Variants in PRKG1 observed in about 807,000 individuals in gnomAD.
PRKG1 encodes protein kinase cGMP-dependent 1.
A neutral mutation model predicts 88.1 loss-of-function variants in PRKG1; 35 were observed. The observed-to-expected ratio is 0.40, with a 90% confidence interval of 0.30 to 0.53. The LOEUF (loss-of-function observed/expected upper bound fraction) is 0.53, where lower values mean the gene tolerates loss of function less well. PRKG1 is among the 20% of genes least tolerant of loss of function. PRKG1 has a pLI of 0.59. For synonymous variants in PRKG1, 303 were observed against 292.5 expected, an observed-to-expected ratio of 1.04 and a Z score of -0.37; for missense variants, 540 against 839.8, an observed-to-expected ratio of 0.64 and a Z score of 4.41.
chr10:51,503,866 A>G (rs1841112098), intron 3 of PRKG1, among the ~76,000 whole-genome samples: 1 of 152,196 alleles, frequency 6.6e-6, no homozygotes, highest in Admixed American at 6.6e-5. Context: ...TAGTTAAACA[A>G]TAGAAAATCA....
chr10:51,820,828 TA>T (rs1839724788), intron 4 of PRKG1, among the ~76,000 whole-genome samples: 1 of 152,216 alleles, frequency 6.6e-6, no homozygotes, highest in Non-Finnish European at 1.5e-5. Context: ...GGGTACTTCC[TA>T]ATTTGGTTAT....
intron 5 of PRKG1, among the ~76,000 whole-genome samples, chr10:51,933,363 C>T (rs916542192): frequency 6.6e-6 from 1 of 151,950 alleles, no homozygotes; most frequent in South Asian, 2.1e-4. Flanking sequence ...AGCTTCATTC[C>T]CATCTATAAT....
At chr10:51,446,241 TTTCTTTTCTTTCC>T (rs1412929431) in intron 2 of PRKG1, among the ~76,000 whole-genome samples, 2 of 152,046 alleles carry the variant, frequency 1.3e-5, no homozygotes, top group African/African-American at 4.8e-5. Context: ...ACCCAAAGCT[TTTCTTTTCTTTCC>T]TTCTTTTCTT....
intron 4 of PRKG1, among the ~76,000 whole-genome samples, chr10:51,846,118 A>G (rs769951902): frequency 1.3e-5 from 2 of 152,146 alleles, no homozygotes; most frequent in Non-Finnish European, 2.9e-5. Context: ...GATGTTAAAG[A>G]TGTCTAGGAA....
At chr10:51,591,880 G>T (rs530699306) in intron 3 of PRKG1, among the ~76,000 whole-genome samples, 135 of 152,262 alleles carry the variant, frequency 8.9e-4, no homozygotes, top group African/African-American at 3.1e-3. Context: ...ATTGGGTCAG[G>T]TACATGCTTT....
At chr10:52,093,496 A>T (rs1308539989) in intron 7 of PRKG1, among the ~76,000 whole-genome samples, 1 of 149,024 alleles carries the variant, frequency 6.7e-6, no homozygotes, top group Non-Finnish European at 1.5e-5. Context: ...ACACCATGAA[A>T]GCAAGCCTCA....
intron 1 of PRKG1, among the ~76,000 whole-genome samples, chr10:51,037,926 T>C (rs1395900168): frequency 6.6e-6 from 1 of 152,228 alleles, no homozygotes; most frequent in Non-Finnish European, 1.5e-5. Context: ...TAACTTTATT[T>C]TAATTAGAAA....
intron 4 of PRKG1, among the ~76,000 whole-genome samples, chr10:51,833,889 A>G (rs1272864253): frequency 6.6e-6 from 1 of 152,124 alleles, no homozygotes; most frequent in Non-Finnish European, 1.5e-5. Flanking sequence ...GGTAAACACC[A>G]TTCTACTCTA....
chr10:51,228,368 TC>T (rs1838748283), intron 2 of PRKG1, among the ~76,000 whole-genome samples: 1 of 152,158 alleles, frequency 6.6e-6, no homozygotes, highest in Non-Finnish European at 1.5e-5. Context: ...AGTGGATTCT[TC>T]CTGAAATTTG....
intron 3 of PRKG1, among the ~76,000 whole-genome samples, chr10:51,773,624 G>A (rs933986773): frequency 2.0e-5 from 3 of 151,934 alleles, no homozygotes; most frequent in Non-Finnish European, 2.9e-5. Flanking sequence ...ATAAAATTTA[G>A]CCTCTTAAAC....
intron 3 of PRKG1, among the ~76,000 whole-genome samples, chr10:51,789,740 A>G (rs138842143): frequency 3.9e-5 from 6 of 152,266 alleles, no homozygotes; most frequent in African/African-American, 1.4e-4. Flanking sequence ...GAACAAGATG[A>G]TACATTTCTT....
At chr10:52,137,626 A>G (rs1837463581) in intron 8 of PRKG1, among the ~76,000 whole-genome samples, 1 of 152,124 alleles carries the variant, frequency 6.6e-6, no homozygotes, top group Non-Finnish European at 1.5e-5. Context: ...CTGTACTTTA[A>G]AATATATCTA....
chr10:51,764,803 C>A (rs1054472434), intron 3 of PRKG1, among the ~76,000 whole-genome samples: 1 of 152,094 alleles, frequency 6.6e-6, no homozygotes, highest in African/African-American at 2.4e-5. Flanking sequence ...TGAAGTGGAA[C>A]CTTTGGGGAG....
At chr10:52,022,708 T>C (rs1288909872) in intron 5 of PRKG1, among the ~76,000 whole-genome samples, 1 of 152,106 alleles carries the variant, frequency 6.6e-6, no homozygotes, top group Non-Finnish European at 1.5e-5. Context: ...AAAAGAATAA[T>C]AATCCAAAAT....
chr10:51,424,941 CTGAT>C (rs1838531958), intron 2 of PRKG1, among the ~76,000 whole-genome samples: 1 of 151,984 alleles, frequency 6.6e-6, no homozygotes, highest in Admixed American at 6.6e-5. Context: ...AATTATTTTC[CTGAT>C]TGATTCTTTA....
chr10:51,878,274 C>G (rs1010533438), intron 4 of PRKG1, among the ~76,000 whole-genome samples: 1 of 140,866 alleles, frequency 7.1e-6, no homozygotes, highest in African/African-American at 2.7e-5. Flanking sequence ...GTATCCAGCA[C>G]TGCTCACCAT....
intron 3 of PRKG1, among the ~76,000 whole-genome samples, chr10:51,708,257 C>T (rs1365216207): frequency 6.6e-6 from 1 of 152,152 alleles, no homozygotes; most frequent in Non-Finnish European, 1.5e-5. Context: ...GTGTCTCTTC[C>T]TTTTCCTGTA....
chr10:51,560,985 G>A (rs963493942), intron 3 of PRKG1, among the ~76,000 whole-genome samples: 1 of 151,968 alleles, frequency 6.6e-6, no homozygotes, highest in Non-Finnish European at 1.5e-5. Context: ...GGTGGCTCAT[G>A]CCTGTAATCC....
intron 5 of PRKG1, among the ~76,000 whole-genome samples, chr10:51,936,940 G>A (rs768715399): frequency 4.7e-5 from 7 of 148,912 alleles, no homozygotes; most frequent in Non-Finnish European, 1.0e-4. Flanking sequence ...GGCTTTCTTG[G>A]AGGAATTGAT....
Sources: allele counts gnomAD v4.1 joint callset (sites outside exome capture counted in the v4.1 genomes callset), GRCh38; gene constraint gnomAD v4.1.1; transcripts MANE v1.5; gene names NCBI Gene and HGNC (gene_info 2026-07-23, HGNC 2026-07-21).